Variants in DYNC2H1 observed in about 807,000 individuals in gnomAD.
DYNC2H1 encodes the protein cytoplasmic dynein 2 heavy chain 1.
A neutral mutation model predicts 570.0 loss-of-function variants in DYNC2H1; 410 were observed. The ratio of observed to expected loss-of-function variants is 0.72; its 90% CI spans 0.66 to 0.78. The LOEUF is 0.78. Ranked by LOEUF, DYNC2H1 falls within the 30% of genes least tolerant of loss-of-function variation. The pLI, the probability that DYNC2H1 is intolerant of heterozygous loss-of-function variation, is 0.00. For missense variants in DYNC2H1, 4,865 were observed against 5,046.4 expected, an observed-to-expected ratio of 0.96 and a Z score of 1.09; for synonymous variants, 1,688 against 1,677.6, an observed-to-expected ratio of 1.01 and a Z score of -0.15.
rs1231377834 is a variant in DYNC2H1, at chr11:103,351,602, T to A, written c.12040-6641T>A. ...TAAATATTGAGAAGATTATATATTT[T>A]TTCTCCTTAATTTATGTGATGAAAT... On this transcript the variant is annotated intron_variant, in intron 82 of 88. Coordinates refer to ENST00000375735, the MANE Select transcript of DYNC2H1 (RefSeq NM_001377.3). 3.5e-4 allele frequency among the ~76,000 whole-genome samples: 54 copies of A among 152,298 alleles called. No homozygotes were observed. In the East Asian group the frequency reaches 8.9e-3, roughly 25 times the overall value.
intron 28 of DYNC2H1, among the ~76,000 whole-genome samples, chr11:103,160,162 CCT>C (rs796899319): frequency 4.6e-5 from 7 of 152,116 alleles, no homozygotes; most frequent in African/African-American, 1.4e-4. Context: ...TATCAAGTTA[CCT>C]CTCTGAAATT....
intron 88 of DYNC2H1, among the ~76,000 whole-genome samples, chr11:103,471,971 A>G (rs958664278): frequency 1.3e-5 from 2 of 152,226 alleles, no homozygotes. Flanking sequence ...GAACTTTAGT[A>G]ATAACAGTTT....
rs544562077 is a variant in DYNC2H1 at position 103,163,415 on chromosome 11, A to C, written c.4611+268A>C. ...CTTCCTGGTTCCAGATGATTAGTTC[A>C]TCATTGATGGAGAATCACAGGATCT... On this transcript the variant is annotated intron_variant, in intron 30 of 88. Coordinates refer to ENST00000375735, the MANE Select transcript of DYNC2H1 (RefSeq NM_001377.3). This position sits in a 1 kb window ranked among gnomAD's most constrained non-coding sequence, Gnocchi z 4.6. Among the ~76,000 whole-genome samples the C allele has an allele frequency of 1.1e-4, 17 of 152,298 alleles. No individual in the cohort carries two copies. The highest frequency in any genetic ancestry group is 4.6e-4 in the Admixed American group (7 of 15,290).
In DYNC2H1 at chr11:103,158,741, A is replaced by C. The variant is rs371259464; in HGVS notation, c.4192A>C (p.Arg1398=). ...AACATTAACTACTCATGCTGGAATA[A>C]GAAATTCTCTACTAACAATACTTGA... ...VTTLTTHAGI[R]NSLLTILDQL... is the part of the protein sequence containing the mutation. The change falls in exon 27 of 89, where the codon AGA becomes CGA. Residue 1398 remains arginine, a synonymous_variant. Transcript: ENST00000375735. 7.8e-4 allele frequency: 1,182 copies of C among 1,522,786 alleles called. No individual in the cohort carries two copies. The highest frequency in any genetic ancestry group is 9.6e-4 in the Non-Finnish European group (1,085 of 1,124,506). The allele number at this position is 1,522,786 out of a possible 1,614,324, so 94.3% of individuals were successfully genotyped here. A position where few individuals can be genotyped will look rare whatever the true frequency, so the allele number is the denominator to read the frequency against.
intron 82 of DYNC2H1, among the ~76,000 whole-genome samples, chr11:103,345,306 G>A (rs956029380): frequency 1.3e-5 from 2 of 151,792 alleles, no homozygotes; most frequent in South Asian, 4.1e-4. Flanking sequence ...TATTGAAACA[G>A]TGCCACTAGG....
At chr11:103,155,554 A>G in intron 25 of DYNC2H1, 53 bp downstream of exon 25, 4 of 1,494,974 alleles carry the variant, frequency 2.7e-6, no homozygotes, top group Non-Finnish European at 3.6e-6. Flanking sequence ...TTAATATACA[A>G]TATTGCTTCA....
chr11:103,357,732 CG>C (rs1940416859), intron 82 of DYNC2H1, among the ~76,000 whole-genome samples: 1 of 152,170 alleles, frequency 6.6e-6, no homozygotes, highest in Admixed American at 6.5e-5. Flanking sequence ...GTGGGAGGAT[CG>C]CTTGAGCCCA....
chr11:103,201,246 C>T lies in DYNC2H1; in HGVS notation c.8197+1092C>T, dbSNP rs758155557. Among the ~76,000 whole-genome samples, 5 of 152,132 alleles carry T rather than the reference C, an allele frequency of 3.3e-5. No individual in the cohort carries two copies. Among genetic ancestry groups the T allele is most frequent in the Non-Finnish European group, 5.9e-5 (4 of 68,030 alleles). On this transcript the variant is annotated intron_variant, in intron 50 of 88. Transcript: ENST00000375735. The surrounding 1 kb of genome is among the most constrained non-coding windows in gnomAD (Gnocchi z 4.8). ...CACTTGAAAGAGGACTATCTTAATA[C>T]AAATACTCTCTAGAAATTTATGGCT...
intron 81 of DYNC2H1, among the ~76,000 whole-genome samples, chr11:103,322,566 GTATA>G (rs993407711): frequency 6.6e-6 from 1 of 151,822 alleles, no homozygotes; most frequent in Admixed American, 6.6e-5. Flanking sequence ...ATATCACGTG[GTATA>G]TATATATTTT....
At chr11:103,276,853 A>T (rs1310290283) in intron 70 of DYNC2H1, among the ~76,000 whole-genome samples, 1 of 152,060 alleles carries the variant, frequency 6.6e-6, no homozygotes, top group Non-Finnish European at 1.5e-5. Flanking sequence ...CTTTGCTTAA[A>T]TTTCTAGAAG....
intron 85 of DYNC2H1, among the ~76,000 whole-genome samples, chr11:103,453,641 T>TATATACAC (rs1273661728): frequency 1.1e-5 from 1 of 93,192 alleles, no homozygotes; most frequent in African/African-American, 3.8e-5. Context: ...TATATATATA[T>TATATACAC]ACACACATTC....
intron 83 of DYNC2H1, among the ~76,000 whole-genome samples, chr11:103,385,946 A>G (rs1423226481): frequency 6.6e-6 from 1 of 152,186 alleles, no homozygotes; most frequent in Non-Finnish European, 1.5e-5. Context: ...GGCCTGGGGC[A>G]AGAAGGTAGG....
chr11:103,399,077 T>C (rs1313335320), intron 83 of DYNC2H1, among the ~76,000 whole-genome samples: 1 of 151,868 alleles, frequency 6.6e-6, no homozygotes, highest in Non-Finnish European at 1.5e-5. Flanking sequence ...TTTCTTTTCT[T>C]ACCATACTAT....
chr11:103,141,958 C>G lies in DYNC2H1; in HGVS notation c.2575-1310C>G, dbSNP rs190625473. ...TCGCTGCCACCTTGCAGTTTGATCT[C>G]AGACTGCTGTGCTAGCAGTCAGCGA... On this transcript the variant is annotated intron_variant, in intron 17 of 88. Coordinates refer to ENST00000375735, the MANE Select transcript of DYNC2H1 (RefSeq NM_001377.3). Among the ~76,000 whole-genome samples the G allele has an allele frequency of 2.8e-3, 425 of 152,326 alleles. 1 individual carries two copies. Among genetic ancestry groups the G allele is most frequent in the Non-Finnish European group, 3.1e-3 (208 of 68,022 alleles).
chr11:103,129,383 G>A lies in DYNC2H1; in HGVS notation c.1953+378G>A, dbSNP rs1281971333. ...TTTATTTGTGGTTATTTAAATGTCTGTATATAAGAAATTAGGAGGCTGGGT... is the reference window on the plus strand; with the variant it reads ...TTTATTTGTGGTTATTTAAATGTCTATATATAAGAAATTAGGAGGCTGGGT... On this transcript the variant is annotated intron_variant, in intron 13 of 88. Transcript: ENST00000375735. This position sits in a 1 kb window ranked among gnomAD's most constrained non-coding sequence, Gnocchi z 4.1. 6.6e-6 allele frequency among the ~76,000 whole-genome samples: 1 copy of A among 152,114 alleles called. No homozygotes were observed. The highest frequency in any genetic ancestry group is 1.5e-5 in the Non-Finnish European group (1 of 68,006).
chr11:103,468,018 A>G (rs1444782746), intron 87 of DYNC2H1, among the ~76,000 whole-genome samples: 1 of 152,248 alleles, frequency 6.6e-6, no homozygotes, highest in Non-Finnish European at 1.5e-5. Context: ...AAGAGTTTCA[A>G]AGAAGAAATA....
At chr11:103,162,248 T>C (rs902679963) in intron 29 of DYNC2H1, among the ~76,000 whole-genome samples, 2 of 152,094 alleles carry the variant, frequency 1.3e-5, no homozygotes, top group Non-Finnish European at 2.9e-5. Context: ...TCAGTGAATT[T>C]TGATGCTATT....
intron 84 of DYNC2H1, among the ~76,000 whole-genome samples, chr11:103,423,408 TAAAAAAAAAAAAAAAA>T (rs60223334): frequency 1.6e-4 from 19 of 120,430 alleles, no homozygotes; most frequent in African/African-American, 4.6e-4. Flanking sequence ...GCCAAAAAAG[TAAAAAAAAAAAAAAAA>T]AAAAAAAAAA....
chr11:103,467,565 TCTCA>T (rs1170859865), intron 87 of DYNC2H1, among the ~76,000 whole-genome samples: 3 of 151,860 alleles, frequency 2.0e-5, no homozygotes, highest in Non-Finnish European at 2.9e-5. Flanking sequence ...TGAGGCGGAG[TCTCA>T]CTCTGTCGCC....
Sources: allele counts gnomAD v4.1 joint callset (sites outside exome capture counted in the v4.1 genomes callset), GRCh38; gene constraint gnomAD v4.1.1; non-coding constraint Gnocchi (gnomAD v3.1); transcripts MANE v1.5; gene names NCBI Gene and HGNC (gene_info 2026-07-23, HGNC 2026-07-21).